CATSPERT: variants seen among roughly 807,000 people sequenced by gnomAD.
CATSPERT encodes the protein cation channel sperm-associated targeting subunit tau.
chr2:201,499,007 T>C, the CATSPERT span, among the ~76,000 whole-genome samples: 1 of 152,114 alleles, frequency 6.6e-6, no homozygotes, highest in East Asian at 1.9e-4. Flanking sequence ...ACTGGTTCTT[T>C]GGAAATGTAG....
chr2:201,508,686 G>A, the CATSPERT span, among the ~76,000 whole-genome samples: 3 of 152,236 alleles, frequency 2.0e-5, no homozygotes, highest in Non-Finnish European at 4.4e-5. Context: ...TGAGGCTGCA[G>A]TGAGCCATGA....
chr2:201,547,775 T>C, the CATSPERT span, among the ~76,000 whole-genome samples: 1 of 151,996 alleles, frequency 6.6e-6, no homozygotes, highest in East Asian at 1.9e-4. Context: ...CAGGGAATGA[T>C]TACAACAAAA....
At chr2:201,490,701 GAT>G in the CATSPERT span, among the ~76,000 whole-genome samples, 1 of 152,136 alleles carries the variant, frequency 6.6e-6, no homozygotes, top group Non-Finnish European at 1.5e-5. Context: ...CAGGTGAGGT[GAT>G]ATTTAAGTTT....
At chr2:201,511,873 ACT>A in the CATSPERT span, 1 of 139,168 alleles carries the variant, frequency 7.2e-6, no homozygotes, top group African/African-American at 2.8e-5. Context: ...AAAAAAAAAA[ACT>A]CTTCTTTTAA....
the CATSPERT span, among the ~76,000 whole-genome samples, chr2:201,598,548 A>G: frequency 2.0e-5 from 3 of 152,056 alleles, no homozygotes; most frequent in Non-Finnish European, 4.4e-5. Flanking sequence ...CAGAGAGCAC[A>G]TCTTTTATTT....
At chr2:201,587,459 C>G in the CATSPERT span, among the ~76,000 whole-genome samples, 3 of 152,062 alleles carry the variant, frequency 2.0e-5, no homozygotes, top group African/African-American at 7.2e-5. Context: ...ATATAGAAAT[C>G]TAGGCTGAAT....
chr2:201,512,083 G>T, the CATSPERT span, among the ~76,000 whole-genome samples: 21 of 152,004 alleles, frequency 1.4e-4, no homozygotes, highest in African/African-American at 4.8e-4. Flanking sequence ...TGTTTAGTGG[G>T]TTACAAACCC....
the CATSPERT span, among the ~76,000 whole-genome samples, chr2:201,572,638 T>A: frequency 6.6e-6 from 1 of 151,970 alleles, no homozygotes. Context: ...AAAACCTACC[T>A]CCGGAGTTGG....
the CATSPERT span, among the ~76,000 whole-genome samples, chr2:201,587,649 G>A: frequency 8.7e-4 from 132 of 152,170 alleles, no homozygotes; most frequent in African/African-American, 2.6e-3. Context: ...TGAATGGGAC[G>A]TACATATGTG....
chr2:201,575,249 A>G, the CATSPERT span: 1 of 1,548,846 alleles, frequency 6.5e-7, no homozygotes, highest in South Asian at 1.3e-5. Flanking sequence ...TTACATGCAC[A>G]TAAAACTTAG....
the CATSPERT span, chr2:201,511,899 C>CGAAGATTG: frequency 6.9e-6 from 1 of 145,386 alleles, no homozygotes; most frequent in South Asian, 2.3e-4. Context: ...CAAACAACTC[C>CGAAGATTG]GAAGATTGTT....
the CATSPERT span, among the ~76,000 whole-genome samples, chr2:201,618,717 A>G: frequency 6.6e-6 from 1 of 151,498 alleles, no homozygotes; most frequent in Non-Finnish European, 1.5e-5. Context: ...ATAAAAAATA[A>G]AAAATAAAAA....
the CATSPERT span, chr2:201,555,212 A>G: frequency 6.6e-6 from 1 of 152,228 alleles, no homozygotes; most frequent in Non-Finnish European, 1.5e-5. Flanking sequence ...TACACCAAAT[A>G]GACTTAAAAT....
the CATSPERT span, among the ~76,000 whole-genome samples, chr2:201,577,529 C>T: frequency 2.0e-5 from 3 of 152,142 alleles, no homozygotes; most frequent in African/African-American, 7.2e-5. Context: ...GCTGTATATA[C>T]ATACATGCAA....
chr2:201,582,309 C>A, the CATSPERT span: 1 of 1,197,708 alleles, frequency 8.3e-7, no homozygotes, highest in Non-Finnish European at 1.1e-6. Flanking sequence ...CTATATTATG[C>A]AAATATTATT....
chr2:201,540,110 A>G, the CATSPERT span, among the ~76,000 whole-genome samples: 1 of 152,160 alleles, frequency 6.6e-6, no homozygotes, highest in Admixed American at 6.6e-5. Context: ...CTTCAATCCA[A>G]TGAAAGCTGA....
the CATSPERT span, among the ~76,000 whole-genome samples, chr2:201,585,286 T>C: frequency 6.6e-6 from 1 of 151,602 alleles, no homozygotes; most frequent in South Asian, 2.1e-4. Context: ...CTAATGTAGA[T>C]GACGGTATGA....
At chr2:201,488,648 C>T in the CATSPERT span, among the ~76,000 whole-genome samples, 1 of 152,112 alleles carries the variant, frequency 6.6e-6, no homozygotes, top group Admixed American at 6.5e-5. Flanking sequence ...AGCAGCTCAT[C>T]TCATAATACT....
the CATSPERT span, chr2:201,547,526 T>C: frequency 6.5e-7 from 1 of 1,548,456 alleles, no homozygotes; most frequent in Non-Finnish European, 8.8e-7. Context: ...TATGTTCCAA[T>C]TTTGGCATTA....
Sources: allele counts gnomAD v4.1 joint callset (sites outside exome capture counted in the v4.1 genomes callset), GRCh38; gene constraint gnomAD v4.1.1; transcripts MANE v1.5; gene names NCBI Gene and HGNC (gene_info 2026-07-23, HGNC 2026-07-21).